NOTCH3: variants seen among roughly 807,000 people sequenced by gnomAD.
The protein encoded by NOTCH3 is neurogenic locus notch homolog protein 3.
A neutral mutation model predicts 213.3 loss-of-function variants in NOTCH3; 86 were observed. That is an observed-to-expected ratio of 0.40 (90% confidence interval 0.34 to 0.48). The LOEUF (loss-of-function observed/expected upper bound fraction) is 0.48. NOTCH3 is among the 20% of genes least tolerant of loss of function. NOTCH3 has a pLI of 0.57. For synonymous variants in NOTCH3, 1,354 were observed against 1,355.9 expected, an observed-to-expected ratio of 1.00 and a Z score of 0.03; for missense variants, 2,783 against 3,272.6, an observed-to-expected ratio of 0.85 and a Z score of 3.65.
Position 15,191,486 on chromosome 19 carries a change from T to C in NOTCH3, c.974A>G (p.His325Arg), listed in dbSNP as rs754644566. 1 of 1,613,256 alleles carries C rather than the reference T, an allele frequency of 6.2e-7. No individual in the cohort carries two copies. Among genetic ancestry groups the C allele is most frequent in the Non-Finnish European group, 8.5e-7 (1 of 1,180,030 alleles). The change falls in exon 6 of 33, where the codon CAT becomes CGT. Residue 325 changes from histidine (H) to arginine (R), a missense_variant. Transcript: ENST00000263388. ...IDDCATAVCF[H>R]GATCHDRVAS... is the part of the protein sequence containing the mutation. Reference sequence around the variant, plus strand: ...CACGCGGTCATGGCAGGTGGCCCCATGGAAGCACACGGCTGTGGCACAGTC... The same window carrying C: ...CACGCGGTCATGGCAGGTGGCCCCACGGAAGCACACGGCTGTGGCACAGTC...
In NOTCH3 at chr19:15,165,839, C is replaced by T. The variant is rs1340938979; in HGVS notation, c.5615G>A (p.Gly1872Asp). 1 of 1,613,882 alleles carries T rather than the reference C, an allele frequency of 6.2e-7. No individual in the cohort carries two copies. The highest frequency in any genetic ancestry group is 8.5e-7 in the Non-Finnish European group (1 of 1,180,020). The change falls in exon 30 of 33, where the codon GGC becomes GAC. Residue 1872 changes from glycine (G) to aspartate (D), a missense_variant. Transcript: ENST00000263388. This position sits in a 1 kb window ranked among gnomAD's most constrained non-coding sequence, Gnocchi z 4.7. ...GADTNAQDHS[G>D]RTPLHTAVTA... ...GACAGCTGTGTGCAGGGGAGTGCGGCCTGAGTGGTCCTGGGCATTGGTGTC... is the reference window on the plus strand; with the variant it reads ...GACAGCTGTGTGCAGGGGAGTGCGGTCTGAGTGGTCCTGGGCATTGGTGTC...
rs1470423392 is a variant in NOTCH3, at chr19:15,177,760, C to A, written c.4168G>T (p.Ala1390Ser). 6 of 1,381,308 alleles carry A rather than the reference C, an allele frequency of 4.3e-6. No homozygotes were observed. Among genetic ancestry groups the A allele is most frequent in the Non-Finnish European group, 5.6e-6 (6 of 1,076,792 alleles). The allele number at this position is 1,381,308 out of a possible 1,614,324, so 85.6% of individuals were successfully genotyped here. A position where few individuals can be genotyped will look rare whatever the true frequency, so the allele number is the denominator to read the frequency against. The change falls in exon 24 of 33, where the codon GCC (alanine) becomes TCC (serine). Residue 1390 changes from alanine to serine, a missense_variant. Physicochemically the swap from Ala to Ser is moderately conservative, Grantham distance 99. Around this residue, in one of 6 missense-constraint regions of NOTCH3, gnomAD observed 133 missense variants for 201.9 expected, o/e 0.66. Transcript: ENST00000263388. ...EVSEEPRCPR[A>S]ACQAKRGDQR... ...TCCCCGCGCTTGGCCTGGCAGGCGG[C>A]GCGCGGGCACCGCGGCTCCTCCGAG... is the stretch of plus-strand genomic sequence containing the variant.
At chr19:15,196,533 A>G (rs906158730) in intron 2 of NOTCH3, among the ~76,000 whole-genome samples, 45 of 152,266 alleles carry the variant, frequency 3.0e-4, no homozygotes, top group African/African-American at 1.0e-3. Context: ...CTTGGCACAC[A>G]TGATGCTGAA....
chr19:15,177,979 G>A lies in NOTCH3; in HGVS notation c.3949C>T (p.Pro1317Ser), dbSNP rs1481252730. The A allele has an allele frequency of 1.4e-6, 2 of 1,421,802 alleles. No individual in the cohort carries two copies. The highest frequency in any genetic ancestry group is 1.8e-6 in the Non-Finnish European group (2 of 1,089,660). The allele number at this position is 1,421,802 out of a possible 1,614,324, so 88.1% of individuals were successfully genotyped here. The change falls in exon 24 of 33, where the codon CCA becomes TCA. Residue 1317 changes from proline to serine, a missense_variant. Transcript: ENST00000263388. ...TPRGPRCACP[P>S]GLSGPSCRSF... ...CGGCAGGAGGGTCCCGACAACCCTG[G>A]GGGGCAGGCGCAGCGCGGCCCGCGG...
chr19:15,164,169 G>A (rs1213657182), intron 31 of NOTCH3, among the ~76,000 whole-genome samples: 1 of 152,144 alleles, frequency 6.6e-6, no homozygotes, highest in African/African-American at 2.4e-5. Context: ...CCATTGAATT[G>A]TACACTTTAA....
chr19:15,189,412 C>T lies in NOTCH3; in HGVS notation c.1053G>A (p.Leu351=). ...PMGKTGLLCH[L]DDACVSNPCH... is the part of the protein sequence containing the mutation. ...AGGGGTTGCTGACACAGGCGTCATC[C>T]AGGTGACACAGGAGGCCTGGGAAGT... Residue 351 remains leucine, a synonymous_variant, in exon 7 of 33, where the codon CTG becomes CTA. Transcript: ENST00000263388. 6.2e-7 allele frequency: 1 copy of T among 1,613,818 alleles called. No individual in the cohort carries two copies. The highest frequency in any genetic ancestry group is 8.5e-7 in the Non-Finnish European group (1 of 1,180,036).
chr19:15,192,908 C>T (rs1370782041), intron 2 of NOTCH3, among the ~76,000 whole-genome samples: 5 of 151,882 alleles, frequency 3.3e-5, no homozygotes. Flanking sequence ...GAGTAAGACT[C>T]GGTCTCAAAG....
rs1482544076 is a variant in NOTCH3, at chr19:15,181,807, G to T, written c.2567-6C>A. 2 of 1,552,138 alleles carry T rather than the reference G, an allele frequency of 1.3e-6. No individual in the cohort carries two copies. Among genetic ancestry groups the T allele is most frequent in the Non-Finnish European group, 1.7e-6 (2 of 1,148,206 alleles). On this transcript the variant is annotated splice_polypyrimidine_tract_variant and splice_region_variant and intron_variant, in intron 16 of 32. Coordinates refer to ENST00000263388, the MANE Select transcript of NOTCH3 (RefSeq NM_000435.3). ...GCCACCGTTCAGGCATGGGTCTGCG[G>T]ACAGGAGGAAGGCGGTCTGGTCACC...
chr19:15,167,891 T>C (rs1480573900), intron 28 of NOTCH3, among the ~76,000 whole-genome samples: 2 of 19,964 alleles, frequency 1.0e-4, no homozygotes, highest in African/African-American at 9.4e-4. Context: ...AAGGTTTCTT[T>C]TTTTTTTTTT....
At chr19:15,166,447 C>T (rs1397186270) in intron 29 of NOTCH3, among the ~76,000 whole-genome samples, 2 of 152,160 alleles carry the variant, frequency 1.3e-5, no homozygotes, top group Non-Finnish European at 2.9e-5. Context: ...CCCCTTCATA[C>T]TCCTGCACCC....
In NOTCH3 at chr19:15,184,278, A is replaced by G; in HGVS notation, c.2566+17T>C. 6.2e-7 allele frequency: 1 copy of G among 1,612,398 alleles called. No homozygotes were observed. The highest frequency in any genetic ancestry group is 8.5e-7 in the Non-Finnish European group (1 of 1,178,722). On this transcript the variant is annotated intron_variant, in intron 16 of 32. Coordinates refer to ENST00000263388, the MANE Select transcript of NOTCH3 (RefSeq NM_000435.3). ...TGTTCCCCAGAGCAGCACCCCCAAG[A>G]GCTCCCCTGCACTCACTGGGGTCAC...
In NOTCH3 at chr19:15,174,245, G is replaced by C. The variant is rs774386192; in HGVS notation, c.4559C>G (p.Pro1520Arg). ...GCTGGAACGCAGTAGCTCCTCTGGC[G>C]GCAGCAGCACTGTGAGCACCAGCAC... ...RGVLVLTVLLPPEELLRSSAD... is the reference protein window; with the variant it reads ...RGVLVLTVLLRPEELLRSSAD... The change falls in exon 25 of 33, where the codon CCG becomes CGG. Residue 1520 changes from proline to arginine, a missense_variant. By Grantham distance (103) the Pro-to-Arg change is moderately radical (BLOSUM62 -2). This residue lies in a region of NOTCH3 where 636 missense variants were observed against 801.8 expected (regional missense o/e 0.79). Transcript: ENST00000263388. The C allele has an allele frequency of 1.3e-6, 2 of 1,589,394 alleles. No individual in the cohort carries two copies. Among genetic ancestry groups the C allele is most frequent in the South Asian group, 1.1e-5 (1 of 89,182 alleles).
chr19:15,197,671 C>A, intron 1 of NOTCH3, 93 bp from the exon 2 acceptor site: 1 of 1,090,526 alleles, frequency 9.2e-7, no homozygotes, highest in South Asian at 1.4e-5. Context: ...CACCAGGCAA[C>A]AGCTGCATGG....
intron 29 of NOTCH3, 82 bp downstream of exon 29, chr19:15,167,167 C>A: frequency 6.8e-7 from 1 of 1,478,398 alleles, no homozygotes; most frequent in Non-Finnish European, 9.3e-7. Flanking sequence ...CCCCAGTTCT[C>A]CCCAAAACAC....
intron 25 of NOTCH3, among the ~76,000 whole-genome samples, chr19:15,171,808 T>C (rs1021043427): frequency 6.6e-6 from 1 of 152,228 alleles, no homozygotes; most frequent in Non-Finnish European, 1.5e-5. Context: ...TAGCTGGGAT[T>C]ACAGGCACGC....
In NOTCH3 at chr19:15,180,942, C is replaced by T; in HGVS notation, c.2994+19G>A. The T allele has an allele frequency of 6.3e-7, 1 of 1,585,580 alleles. No homozygotes were observed. The highest frequency in any genetic ancestry group is 8.6e-7 in the Non-Finnish European group (1 of 1,167,022). ...TCCCAGGCAGGCTCCTCCCCCAGGT[C>T]CCCAGTAACTCCACCCACCTGGCAC... is the stretch of plus-strand genomic sequence containing the variant. On this transcript the variant is annotated intron_variant, in intron 18 of 32. Transcript: ENST00000263388.
At chr19:15,181,976 T>C (rs2046845711) in intron 16 of NOTCH3, among the ~76,000 whole-genome samples, 175 bp from the exon 17 acceptor site, 1 of 152,240 alleles carries the variant, frequency 6.6e-6, no homozygotes. Context: ...TCCCCTCCTT[T>C]ATCTGGAAAC....
In NOTCH3 at chr19:15,191,415, G is replaced by T; in HGVS notation, c.1036+9C>A. The T allele has an allele frequency of 3.1e-6, 5 of 1,610,802 alleles. No homozygotes were observed. The highest frequency in any genetic ancestry group is 4.2e-6 in the Non-Finnish European group (5 of 1,177,892). ...TCCATGGCTCCCTGCAGAGAAAACGGCCACTCACCAGTCTTGCCCATGGGG... is the reference window on the plus strand; with the variant it reads ...TCCATGGCTCCCTGCAGAGAAAACGTCCACTCACCAGTCTTGCCCATGGGG... On this transcript the variant is annotated intron_variant, in intron 6 of 32. Transcript: ENST00000263388.
Position 15,185,248 on chromosome 19 carries a change from G to A in NOTCH3, c.2296+9C>T. Reference sequence around the variant, plus strand: ...TGGTGGGGCTGCAGAGGGAAGGTGAGGTACACACCCTGGACACCAGGCGGG... The same window carrying A: ...TGGTGGGGCTGCAGAGGGAAGGTGAAGTACACACCCTGGACACCAGGCGGG... On this transcript the variant is annotated intron_variant, in intron 14 of 32. Transcript: ENST00000263388. This position sits in a 1 kb window ranked among gnomAD's most constrained non-coding sequence, Gnocchi z 4.2. 6.2e-7 allele frequency: 1 copy of A among 1,613,074 alleles called. No individual in the cohort carries two copies. The highest frequency in any genetic ancestry group is 8.5e-7 in the Non-Finnish European group (1 of 1,179,964).
Sources: gnomAD v4.1 joint callset for allele counts (sites outside exome capture counted in the v4.1 genomes callset) on GRCh38, gnomAD v4.1.1 for gene constraint, gnomAD v4.1.1 regional missense constraint, Gnocchi (gnomAD v3.1) non-coding constraint, MANE v1.5 for transcripts, NCBI Gene and HGNC (gene_info 2026-07-23, HGNC 2026-07-21) for gene names.